TYW1B: variants seen among roughly 807,000 people sequenced by gnomAD.
TYW1B encodes the protein S-adenosyl-L-methionine-dependent tRNA 4-demethylwyosine synthase TYW1B.
TYW1B carries 73 observed loss-of-function variants against 86.9 expected under a neutral mutation model. The observed-to-expected ratio is 0.84, with a 90% CI of 0.70 to 1.02. The LOEUF is 1.02. Ranked by LOEUF, TYW1B falls within the 50% of genes least tolerant of loss-of-function variation. The pLI is 0.00. For missense variants in TYW1B, 637 were observed against 827.4 expected, an observed-to-expected ratio of 0.77 and a Z score of 2.82; for synonymous variants, 248 against 292.8, an observed-to-expected ratio of 0.85 and a Z score of 1.56.
chr7:72,793,100 A>T (rs1788247300), intron 6 of TYW1B, among the ~76,000 whole-genome samples: 1 of 152,174 alleles, frequency 6.6e-6, no homozygotes, highest in Admixed American at 6.6e-5. Context: ...GCACTTTGGG[A>T]GGCCAAGGCA....
At chr7:72,735,108 A>C (rs1256192840) in intron 8 of TYW1B, among the ~76,000 whole-genome samples, 1 of 152,182 alleles carries the variant, frequency 6.6e-6, no homozygotes, top group Non-Finnish European at 1.5e-5. Context: ...CTGAATATAC[A>C]TCCAAAGGAA....
At chr7:72,788,554 T>C (rs1232800312) in intron 6 of TYW1B, among the ~76,000 whole-genome samples, 2 of 151,912 alleles carry the variant, frequency 1.3e-5, no homozygotes, top group African/African-American at 2.4e-5. Context: ...GTTTTTGAGA[T>C]GGGAGTCTTG....
intron 7 of TYW1B, among the ~76,000 whole-genome samples, chr7:72,749,572 G>A (rs1217321018): frequency 2.6e-5 from 4 of 152,270 alleles, no homozygotes; most frequent in African/African-American, 7.2e-5. Context: ...GATTACAGGC[G>A]TGAGCCGCCG....
At chr7:72,613,083 G>C (rs1236865000) in intron 13 of TYW1B, among the ~76,000 whole-genome samples, 1 of 152,030 alleles carries the variant, frequency 6.6e-6, no homozygotes, top group Non-Finnish European at 1.5e-5. Flanking sequence ...AAGGGAAGGG[G>C]GGAACTGTAT....
At chr7:72,648,271 G>C (rs1554442319) in intron 11 of TYW1B, among the ~76,000 whole-genome samples, 1 of 152,028 alleles carries the variant, frequency 6.6e-6, no homozygotes, top group African/African-American at 2.4e-5. Context: ...TGCCAGGCGT[G>C]GTGGTTTACG....
chr7:72,734,268 A>AAAAAAAAC lies in TYW1B; in HGVS notation c.1083-5338_1083-5337insGTTTTTTT, dbSNP rs56806378. 1.1e-4 allele frequency among the ~76,000 whole-genome samples: 11 copies of AAAAAAAAC among 98,160 alleles called. 1 individual carries two copies. In the South Asian group the frequency reaches 1.7e-3, roughly 15 times the overall value. The allele number at this position is 98,160 out of a possible 152,430, so 64.4% of individuals were successfully genotyped here. A position where few individuals can be genotyped will look rare whatever the true frequency, so the allele number is the denominator to read the frequency against. The stretch of plus-strand genomic sequence containing the variant: ...TTAAAACTCCATCTCAAAAAAAAAA[A>AAAAAAAAC]ACACAACAAAAAAACTATAAACCTA... On this transcript the variant is annotated intron_variant, in intron 8 of 13. Coordinates refer to ENST00000620995, the MANE Select transcript of TYW1B (RefSeq NM_001145440.3).
intron 9 of TYW1B, among the ~76,000 whole-genome samples, chr7:72,717,410 T>C (rs1786811364): frequency 6.6e-6 from 1 of 152,098 alleles, no homozygotes; most frequent in Non-Finnish European, 1.5e-5. Flanking sequence ...CAACAGGCCT[T>C]GATCCCCTGT....
chr7:72,771,376 G>T (rs1230266231), intron 7 of TYW1B, among the ~76,000 whole-genome samples: 2 of 152,210 alleles, frequency 1.3e-5, no homozygotes, highest in Non-Finnish European at 2.9e-5. Context: ...ATTCATTGGG[G>T]TGGGGATAAT....
chr7:72,648,098 T>C (rs1345002892), intron 11 of TYW1B, among the ~76,000 whole-genome samples: 8 of 152,036 alleles, frequency 5.3e-5, no homozygotes, highest in Non-Finnish European at 7.4e-5. Context: ...AAAATTAAGG[T>C]TTAGAAAGAA....
intron 7 of TYW1B, 74 bp downstream of exon 7, chr7:72,777,342 A>G: frequency 1.3e-6 from 2 of 1,542,778 alleles, no homozygotes; most frequent in Non-Finnish European, 8.9e-7. Flanking sequence ...AATTAGAGAG[A>G]GACTTCATTC....
rs576670548 is a variant in TYW1B at position 72,746,391 on chromosome 7, G to A, written c.965-1790C>T. Among the ~76,000 whole-genome samples, 34 of 152,246 alleles carry A rather than the reference G, an allele frequency of 2.2e-4. 1 individual carries two copies. Among genetic ancestry groups the A allele is most frequent in the African/African-American group, 5.5e-4 (23 of 41,546 alleles). The stretch of plus-strand genomic sequence containing the variant: ...AATCTTGTAAATAGCACTGAAAACC[G>A]AAATGTCCAACAAATGCTAGTCACA... On this transcript the variant is annotated intron_variant, in intron 7 of 13. Transcript: ENST00000620995.
intron 12 of TYW1B, among the ~76,000 whole-genome samples, chr7:72,620,988 C>A (rs1422782642): frequency 6.6e-6 from 1 of 152,132 alleles, no homozygotes; most frequent in Non-Finnish European, 1.5e-5. Flanking sequence ...ACTTTTATAG[C>A]CTGGTAGCTT....
intron 7 of TYW1B, among the ~76,000 whole-genome samples, chr7:72,768,439 G>A (rs1209796597): frequency 6.6e-6 from 1 of 151,986 alleles, no homozygotes; most frequent in Admixed American, 6.6e-5. Context: ...TGCTATGGCA[G>A]TGAAAAAAGA....
intron 13 of TYW1B, among the ~76,000 whole-genome samples, chr7:72,605,913 G>T (rs768323719): frequency 2.6e-5 from 4 of 152,142 alleles, no homozygotes; most frequent in African/African-American, 7.2e-5. Context: ...TTCACTAGGA[G>T]ATGCGAACCC....
intron 13 of TYW1B, among the ~76,000 whole-genome samples, chr7:72,606,197 TA>T (rs35282840): frequency 0.1 from 14,406 of 142,612 alleles, 1,082 homozygotes; most frequent in East Asian, 0.41. Flanking sequence ...AACTATTGGA[TA>T]AAAAAAAAAA....
chr7:72,644,289 C>T (rs564242287), intron 11 of TYW1B, among the ~76,000 whole-genome samples: 1 of 152,274 alleles, frequency 6.6e-6, no homozygotes, highest in South Asian at 2.1e-4. Context: ...GGGGCTCACA[C>T]CTATAATCCC....
At chr7:72,708,198 G>C (rs1254787355) in intron 10 of TYW1B, among the ~76,000 whole-genome samples, 1 of 152,028 alleles carries the variant, frequency 6.6e-6, no homozygotes, top group Non-Finnish European at 1.5e-5. Flanking sequence ...GAAAGGTTTA[G>C]TACCCTGAAA....
intron 9 of TYW1B, among the ~76,000 whole-genome samples, chr7:72,718,198 T>C (rs139366149): frequency 6.6e-6 from 1 of 151,894 alleles, no homozygotes; most frequent in African/African-American, 2.4e-5. Context: ...CTGGAGGCCA[T>C]CATCCTAGGT....
chr7:72,771,890 A>G (rs1787874927), intron 7 of TYW1B, among the ~76,000 whole-genome samples: 1 of 151,396 alleles, frequency 6.6e-6, no homozygotes, highest in African/African-American at 2.4e-5. Context: ...TCTGTCACCC[A>G]GGCTGGAGTG....
Sources: allele counts gnomAD v4.1 joint callset (sites outside exome capture counted in the v4.1 genomes callset), GRCh38; gene constraint gnomAD v4.1.1; transcripts MANE v1.5; gene names NCBI Gene and HGNC (gene_info 2026-07-23, HGNC 2026-07-21).